The following ALDH16A1 variants were observed in gnomAD, a reference collection of about 807,000 sequenced individuals.
ALDH16A1 encodes the protein aldehyde dehydrogenase family 16 member A1.
Under a neutral mutation model 96.1 loss-of-function variants are expected in ALDH16A1, and 88 were observed. The observed-to-expected ratio is 0.92, with a 90% CI of 0.77 to 1.09. The LOEUF is 1.09. Among genes scored for constraint, ALDH16A1 ranks in the 50% least tolerant of loss-of-function variants. The probability of loss-of-function intolerance (pLI) is 0.00; values close to 1 mark genes in which losing one functional copy is unlikely to be tolerated. For synonymous variants in ALDH16A1, 522 were observed against 496.4 expected (o/e 1.05, Z -0.69); for missense variants, 1,250 against 1,112.6 (o/e 1.12, Z -1.76).
chr19:49,468,858 C>A lies in ALDH16A1; in HGVS notation c.2125-6C>A, dbSNP rs2079221695. On this transcript the variant is annotated splice_polypyrimidine_tract_variant and splice_region_variant and intron_variant, in intron 15 of 16. Coordinates refer to ENST00000293350, the MANE Select transcript of ALDH16A1 (RefSeq NM_153329.4). The surrounding 1 kb of genome is among the most constrained non-coding windows in gnomAD (Gnocchi z 4.4). ...TCCCCAACCTTTCACTCTCTCTATC[C>A]CCTAGGACATGGCCACCGTGTTCCC... is the stretch of plus-strand genomic sequence containing the variant. The A allele has an allele frequency of 6.2e-7, 1 of 1,612,880 alleles. No homozygotes were observed. The highest frequency in any genetic ancestry group is 1.3e-5 in the African/African-American group (1 of 74,902).
At chr19:49,461,849 G>A in intron 6 of ALDH16A1, 35 bp from the exon 7 acceptor site, 1 of 1,597,646 alleles carries the variant, frequency 6.3e-7, no homozygotes, top group Non-Finnish European at 8.5e-7. Flanking sequence ...GGGCCGCAAG[G>A]CTCCTCCTGC....
chr19:49,465,536 G>T (rs1860976352), intron 12 of ALDH16A1, among the ~76,000 whole-genome samples: 1 of 151,444 alleles, frequency 6.6e-6, no homozygotes, highest in South Asian at 2.1e-4. Context: ...GTCCCCCAGA[G>T]GCTCATGGGA....
rs867804273 is a variant in ALDH16A1, at chr19:49,461,939, C to T, written c.815C>T (p.Ala272Val). The change falls in exon 7 of 17, where the codon GCG (alanine) becomes GTG (valine). Residue 272 changes from alanine to valine, a missense_variant. Coordinates refer to ENST00000293350, the MANE Select transcript of ALDH16A1 (RefSeq NM_153329.4). The stretch of plus-strand genomic sequence containing the variant: ...GGAGAGTGTGCGGAGCTGGGCCTGG[C>T]GCTGGGGACGGAGTCGCTGCTGCTG... ...LAGECAELGL[A>V]LGTESLLLLT... The T allele has an allele frequency of 4.4e-6, 7 of 1,573,282 alleles. No individual in the cohort carries two copies. Among genetic ancestry groups the T allele is most frequent in the Non-Finnish European group, 5.2e-6 (6 of 1,161,434 alleles).
At position 49,459,898 on chromosome 19, in the gene ALDH16A1, C is replaced by T; in HGVS notation, c.499+50C>T. 1 of 1,557,942 alleles carries T rather than the reference C, an allele frequency of 6.4e-7. No homozygotes were observed. Among genetic ancestry groups the T allele is most frequent in the Non-Finnish European group, 8.7e-7 (1 of 1,153,572 alleles). On this transcript the variant is annotated intron_variant, in intron 4 of 16. Transcript: ENST00000293350. This position sits in a 1 kb window ranked among gnomAD's most constrained non-coding sequence, Gnocchi z 4.1. ...TATCCTCCCACATGACTCAGCAGTG[C>T]TAGCTCCAGTCCCCTCATTCTTTTT...
chr19:49,460,993 G>C (rs1181044887), intron 5 of ALDH16A1, 94 bp downstream of exon 5: 2 of 1,372,772 alleles, frequency 1.5e-6, no homozygotes, highest in African/African-American at 1.4e-5. Context: ...AAGGGGGCTG[G>C]AGGCCTGGAC....
At position 49,459,577 on chromosome 19, in the gene ALDH16A1, A is replaced by C; in HGVS notation, c.321-93A>C. 1 of 1,421,976 alleles carries C rather than the reference A, an allele frequency of 7.0e-7. No homozygotes were observed. The highest frequency in any genetic ancestry group is 9.4e-7 in the Non-Finnish European group (1 of 1,066,382). The allele number at this position is 1,421,976 out of a possible 1,614,324, so 88.1% of individuals were successfully genotyped here. A position where few individuals can be genotyped will look rare whatever the true frequency, so the allele number is the denominator to read the frequency against. On this transcript the variant is annotated intron_variant, in intron 3 of 16. Transcript: ENST00000293350. The surrounding 1 kb of genome is among the most constrained non-coding windows in gnomAD (Gnocchi z 4.1). ...AATGGTGGGGATGCCTCAGGGGCTC[A>C]TGGGGATTGTAGTCCAGGTATATAG...
rs2079219444 is a variant in ALDH16A1 at position 49,468,593 on chromosome 19, C to G, written c.2124+27C>G. On this transcript the variant is annotated intron_variant, in intron 15 of 16. Transcript: ENST00000293350. The surrounding 1 kb of genome is among the most constrained non-coding windows in gnomAD (Gnocchi z 4.4). ...TATAGCCCCCTGCCTTCCTGCCTCTCCTCCCCGTAGCCTCAGGGCAGCAGA... is the reference window on the plus strand; with the variant it reads ...TATAGCCCCCTGCCTTCCTGCCTCTGCTCCCCGTAGCCTCAGGGCAGCAGA... 2 of 1,598,556 alleles carry G rather than the reference C, an allele frequency of 1.3e-6. No homozygotes were observed. The highest frequency in any genetic ancestry group is 1.7e-6 in the Non-Finnish European group (2 of 1,177,664).
At chr19:49,464,387 C>G in intron 10 of ALDH16A1, 30 bp from the exon 11 acceptor site, 1 of 1,576,876 alleles carries the variant, frequency 6.3e-7, no homozygotes, top group East Asian at 2.3e-5. Context: ...GTCTGTTTTC[C>G]TCTGTTGGAC....
chr19:49,468,159 CAAAAAAA>C lies in ALDH16A1; in HGVS notation c.1939-213_1939-207del, dbSNP rs138585582. On this transcript the variant is annotated intron_variant, in intron 14 of 16. Transcript: ENST00000293350. This position sits in a 1 kb window ranked among gnomAD's most constrained non-coding sequence, Gnocchi z 4.4. ...AGGGCGACAGAGTGAGAGTCCGTCTCAAAAAAAAAAAAAAAGAAAGGCGGTTATGCAG... is the reference window on the plus strand; with the variant it reads ...AGGGCGACAGAGTGAGAGTCCGTCTCAAAAAAAAGAAAGGCGGTTATGCAG... 2.6e-6 allele frequency: 1 copy of C among 389,382 alleles called. No individual in the cohort carries two copies. The highest frequency in any genetic ancestry group is 4.5e-6 in the Non-Finnish European group (1 of 219,986). The allele number at this position is 389,382 out of a possible 1,614,324, so 24.1% of individuals were successfully genotyped here. A position where few individuals can be genotyped will look rare whatever the true frequency, so the allele number is the denominator to read the frequency against.
chr19:49,462,743 C>T lies in ALDH16A1; in HGVS notation c.1086C>T (p.Ser362=). The change falls in exon 8 of 17, where the codon AGC becomes AGT. Residue 362 remains serine, a synonymous_variant. Coordinates refer to ENST00000293350, the MANE Select transcript of ALDH16A1 (RefSeq NM_153329.4). ...AGCGCTTTGTGCGTGAGGCCCAGAG[C>T]CAGGGTGCACAGGTGAGGCAGGGGG... is the stretch of plus-strand genomic sequence containing the variant. ...LVQRFVREAQ[S]QGAQVFQAGD... is the part of the protein sequence containing the mutation. 1 of 1,592,910 alleles carries T rather than the reference C, an allele frequency of 6.3e-7. No individual in the cohort carries two copies. The highest frequency in any genetic ancestry group is 8.5e-7 in the Non-Finnish European group (1 of 1,170,860).
At position 49,470,587 on chromosome 19, in the gene ALDH16A1, C is replaced by T. The variant is rs972855634; in HGVS notation, c.*120C>T. The T allele has an allele frequency of 8.9e-7, 1 of 1,125,062 alleles. No homozygotes were observed. The highest frequency in any genetic ancestry group is 1.6e-5 in the African/African-American group (1 of 61,208). The allele number at this position is 1,125,062 out of a possible 1,614,324, so 69.7% of individuals were successfully genotyped here. ...CTCCCAATAAACTCTCTGACCAACCCTAGCTGTGCTTCTGCGAGAAGAAAG... is the reference window on the plus strand; with the variant it reads ...CTCCCAATAAACTCTCTGACCAACCTTAGCTGTGCTTCTGCGAGAAGAAAG... On this transcript the variant is annotated 3_prime_UTR_variant, in exon 17 of 17. Coordinates refer to ENST00000293350, the MANE Select transcript of ALDH16A1 (RefSeq NM_153329.4).
At chr19:49,454,596 C>T (rs2079093866) in intron 1 of ALDH16A1, among the ~76,000 whole-genome samples, 2 of 152,156 alleles carry the variant, frequency 1.3e-5, no homozygotes, top group Admixed American at 1.3e-4. Flanking sequence ...CTCAGAATTC[C>T]TTCACGGGGC....
At chr19:49,467,796 T>A (rs1328754204) in intron 14 of ALDH16A1, among the ~76,000 whole-genome samples, 2 of 151,968 alleles carry the variant, frequency 1.3e-5, no homozygotes, top group Non-Finnish European at 2.9e-5. Context: ...TTGCTGCACC[T>A]ATTGACCTGC....
rs763475349 is a variant in ALDH16A1, at chr19:49,453,401, G to C, written c.70G>C (p.Glu24Gln). ...CTCGCTGGAGTACGGACCGGTGCCG[G>C]AGAGCCACGCATGCGCACTGGTGAG... Reference protein sequence around the residue: ...FTSLEYGPVPESHACALAWLD... With the variant: ...FTSLEYGPVPQSHACALAWLD... Residue 24 changes from glutamate (E) to glutamine (Q), a missense_variant, in exon 1 of 17, where the codon GAG becomes CAG. Physicochemically the swap from Glu to Gln is conservative, Grantham distance 29. Transcript: ENST00000293350. 28 of 1,557,228 alleles carry C rather than the reference G, an allele frequency of 1.8e-5. No homozygotes were observed. Among genetic ancestry groups the C allele is most frequent in the Admixed American group, 7.5e-5 (4 of 53,186 alleles).
Position 49,464,224 on chromosome 19 carries a change from G to A in ALDH16A1, c.1292G>A (p.Trp431Ter), listed in dbSNP as rs1210421166. 4.4e-6 allele frequency: 7 copies of A among 1,604,810 alleles called. No individual in the cohort carries two copies. Among genetic ancestry groups the A allele is most frequent in the Non-Finnish European group, 5.9e-6 (7 of 1,179,506 alleles). The change falls in exon 10 of 17, where the codon TGG becomes TAG. Residue 431 changes from tryptophan to a stop codon, truncating the protein, a stop_gained. Transcript: ENST00000293350. LOFTEE classifies it high-confidence loss of function. ...CCCCGCGGGGGCAGCGCCAGTGTGT[G>A]GAGCGAGAGGCTGGGGCAGGCGCTG... Reference protein sequence around the residue: ...GTPRGGSASVWSERLGQALEL... With the variant: ...GTPRGGSASV
chr19:49,470,475 G>A lies in ALDH16A1; in HGVS notation c.*8G>A. ...CTGCCTATGGGGGACTGATGCCTGA[G>A]CGCCACCTACTGCATTTTGGACACC... On this transcript the variant is annotated 3_prime_UTR_variant, in exon 17 of 17. Coordinates refer to ENST00000293350, the MANE Select transcript of ALDH16A1 (RefSeq NM_153329.4). The A allele has an allele frequency of 6.5e-7, 1 of 1,549,964 alleles. No individual in the cohort carries two copies.
chr19:49,461,829 A>C (rs771042024), intron 6 of ALDH16A1, 29 bp downstream of exon 6: 5 of 1,604,800 alleles, frequency 3.1e-6, no homozygotes, highest in Middle Eastern at 1.7e-4. Context: ...TCGTGGCGGA[A>C]CGCGGCTGGG....
chr19:49,465,375 C>T (rs534722680), intron 12 of ALDH16A1, among the ~76,000 whole-genome samples: 26 of 151,192 alleles, frequency 1.7e-4, no homozygotes, highest in Non-Finnish European at 3.1e-4. Flanking sequence ...CCCAGAGGCT[C>T]ATGGGAGCAG....
intron 12 of ALDH16A1, among the ~76,000 whole-genome samples, 157 bp downstream of exon 12, chr19:49,464,919 G>C (rs11672888): frequency 0.29 from 43,689 of 152,054 alleles, 6,757 homozygotes; most frequent in Non-Finnish European, 0.35. Context: ...CCCTACCCCA[G>C]GCCTGCCGAG....
Sources: allele counts gnomAD v4.1 joint callset (sites outside exome capture counted in the v4.1 genomes callset), GRCh38; gene constraint gnomAD v4.1.1; non-coding constraint Gnocchi (gnomAD v3.1); transcripts MANE v1.5; gene names NCBI Gene and HGNC (gene_info 2026-07-23, HGNC 2026-07-21).